The following ASZ1 variants were observed in gnomAD, a reference collection of about 807,000 sequenced individuals.
ASZ1 encodes ankyrin repeat, SAM and basic leucine zipper domain-containing protein 1.
A neutral mutation model predicts 61.8 loss-of-function variants in ASZ1; 67 were observed. The observed-to-expected ratio is 1.08, with a 90% CI of 0.89 to 1.33. ASZ1 has a LOEUF of 1.33. Ranked by LOEUF, ASZ1 falls within the 40% of genes most tolerant of loss-of-function variation. The probability of loss-of-function intolerance (pLI) is 0.00; values close to 1 mark genes in which losing one functional copy is unlikely to be tolerated. For missense variants in ASZ1, 577 were observed against 554.5 expected, an observed-to-expected ratio of 1.04 and a Z score of -0.41; for synonymous variants, 193 against 192.7, an observed-to-expected ratio of 1.00 and a Z score of -0.01.
chr7:117,377,804 G>A (rs1264489792), intron 10 of ASZ1, among the ~76,000 whole-genome samples: 1 of 152,114 alleles, frequency 6.6e-6, no homozygotes, highest in Non-Finnish European at 1.5e-5. Flanking sequence ...TTACCATATA[G>A]TTAGAGTAAT....
At chr7:117,367,565 A>G (rs1264993006) in intron 11 of ASZ1, 100 bp from the exon 12 acceptor site, 9 of 1,207,324 alleles carry the variant, frequency 7.5e-6, no homozygotes, top group Non-Finnish European at 8.4e-6. Context: ...ATTAGATTAC[A>G]TAATTGAAAG....
At chr7:117,410,906 T>TACA (rs1796877532) in intron 4 of ASZ1, among the ~76,000 whole-genome samples, 1 of 151,752 alleles carries the variant, frequency 6.6e-6, no homozygotes, top group African/African-American at 2.4e-5. Context: ...TTGTAGTGTA[T>TACA]AATTTATTAT....
intron 4 of ASZ1, among the ~76,000 whole-genome samples, chr7:117,413,617 T>C (rs1370166089): frequency 6.6e-6 from 1 of 151,932 alleles, no homozygotes; most frequent in Non-Finnish European, 1.5e-5. Flanking sequence ...GGCTTTCAAG[T>C]TGTAAGTTTT....
chr7:117,391,084 T>C (rs1796457836), intron 4 of ASZ1, among the ~76,000 whole-genome samples: 1 of 152,168 alleles, frequency 6.6e-6, no homozygotes, highest in Non-Finnish European at 1.5e-5. Context: ...TGAGTAGTGA[T>C]GTTGAGTACT....
Position 117,370,720 on chromosome 7 carries a change from T to C in ASZ1, c.1056-2003A>G, listed in dbSNP as rs547271623. ...TAATATCAAGAGTTGACAAGTGTAT[T>C]AGATGACCTTTCTGGGGAGTCCTTT... On this transcript the variant is annotated intron_variant, in intron 10 of 12. Coordinates refer to ENST00000284629, the MANE Select transcript of ASZ1 (RefSeq NM_130768.3). Among the ~76,000 whole-genome samples, 10 of 152,100 alleles carry C rather than the reference T, an allele frequency of 6.6e-5. No homozygotes were observed. The East Asian group carries it at 1.5e-3, about 23-fold the overall frequency.
At chr7:117,425,334 C>T (rs1251539940) in intron 2 of ASZ1, among the ~76,000 whole-genome samples, 7 of 127,450 alleles carry the variant, frequency 5.5e-5, no homozygotes, top group East Asian at 2.5e-4. Flanking sequence ...GGCGCGATCT[C>T]GGCTCACTGC....
chr7:117,394,343 C>T (rs1305532917), intron 4 of ASZ1, among the ~76,000 whole-genome samples: 1 of 152,170 alleles, frequency 6.6e-6, no homozygotes, highest in East Asian at 1.9e-4. Flanking sequence ...CTTGGCCTCC[C>T]AAAGTACTGA....
At chr7:117,399,796 G>T (rs1191792046) in intron 4 of ASZ1, among the ~76,000 whole-genome samples, 1 of 152,080 alleles carries the variant, frequency 6.6e-6, no homozygotes, top group Non-Finnish European at 1.5e-5. Context: ...GATGGTTTCA[G>T]AATGCCGTAA....
chr7:117,363,450 T>TAA lies in ASZ1; in HGVS notation c.*144_*145dup. On this transcript the variant is annotated 3_prime_UTR_variant, in exon 13 of 13. Transcript: ENST00000284629. ...TAAGTCAAAGTAACAAACCACTTTT[T>TAA]AAAAAAAAACTCCACATTGTCAAAA... 1 of 582,328 alleles carries TAA rather than the reference T, an allele frequency of 1.7e-6. No homozygotes were observed. The highest frequency in any genetic ancestry group is 2.6e-6 in the Non-Finnish European group (1 of 391,908). The allele number at this position is 582,328 out of a possible 1,614,324, so 36.1% of individuals were successfully genotyped here. A position where few individuals can be genotyped will look rare whatever the true frequency, so the allele number is the denominator to read the frequency against.
chr7:117,367,516 C>T (rs747916408), intron 11 of ASZ1, 51 bp from the exon 12 acceptor site: 46 of 1,318,578 alleles, frequency 3.5e-5, no homozygotes, highest in Non-Finnish European at 6.9e-6. Context: ...TAACTTTCTA[C>T]AACTTTATAT....
intron 12 of ASZ1, among the ~76,000 whole-genome samples, chr7:117,364,407 G>T (rs1268516172): frequency 8.7e-6 from 1 of 115,420 alleles, no homozygotes; most frequent in East Asian, 2.4e-4. Flanking sequence ...GTTTCTGTGA[G>T]AGACAGAGAG....
intron 4 of ASZ1, among the ~76,000 whole-genome samples, chr7:117,391,214 T>G (rs1188504660): frequency 6.6e-6 from 1 of 152,142 alleles, no homozygotes; most frequent in Non-Finnish European, 1.5e-5. Context: ...TTATAGAGCC[T>G]GGATATTTAG....
At chr7:117,379,195 A>AC (rs1796204989) in intron 10 of ASZ1, among the ~76,000 whole-genome samples, 1 of 145,878 alleles carries the variant, frequency 6.9e-6, no homozygotes, top group Non-Finnish European at 1.5e-5. Flanking sequence ...ACACACACAC[A>AC]AATGAGTGCA....
chr7:117,414,115 G>C (rs1796944859), intron 4 of ASZ1, among the ~76,000 whole-genome samples: 1 of 152,142 alleles, frequency 6.6e-6, no homozygotes, highest in Non-Finnish European at 1.5e-5. Context: ...TATACAATCA[G>C]AGGCTCAGAA....
Position 117,363,734 on chromosome 7 carries a change from C to T in ASZ1, c.1290G>A (p.Arg430=). The T allele has an allele frequency of 1.3e-6, 2 of 1,572,340 alleles. No homozygotes were observed. Among genetic ancestry groups the T allele is most frequent in the Non-Finnish European group, 1.7e-6 (2 of 1,160,404 alleles). ...ATTGTATATGAGTTGGATCATTTTCCCGTTCATTTTGCAACTAATATTTAG... is the reference window on the plus strand; with the variant it reads ...ATTGTATATGAGTTGGATCATTTTCTCGTTCATTTTGCAACTAATATTTAG... ...KDLIQKLQNE[R]ENDPTHIQLR... Residue 430 remains arginine (R), a synonymous_variant, in exon 13 of 13, where the codon CGG becomes CGA. Transcript: ENST00000284629.
chr7:117,401,910 C>A (rs1796689168), intron 4 of ASZ1, among the ~76,000 whole-genome samples: 1 of 152,136 alleles, frequency 6.6e-6, no homozygotes, highest in Non-Finnish European at 1.5e-5. Flanking sequence ...GCTGGAGTTA[C>A]TGCTGTAAAG....
chr7:117,422,222 T>C lies in ASZ1; in HGVS notation c.328+15A>G. The C allele has an allele frequency of 6.2e-7, 1 of 1,607,654 alleles. No individual in the cohort carries two copies. The highest frequency in any genetic ancestry group is 8.5e-7 in the Non-Finnish European group (1 of 1,178,324). The stretch of plus-strand genomic sequence containing the variant: ...ACAGTAAGCATAATCATTTAAGTTA[T>C]CTAAAACATCTTACCCTTCTCAAAG... On this transcript the variant is annotated intron_variant, in intron 3 of 12. Transcript: ENST00000284629.
intron 12 of ASZ1, among the ~76,000 whole-genome samples, chr7:117,364,937 G>A (rs1795905560): frequency 6.6e-6 from 1 of 151,920 alleles, no homozygotes; most frequent in South Asian, 2.1e-4. Context: ...TGGTGTTAAA[G>A]TCTAGCCTTG....
At chr7:117,421,262 G>A (rs752854727) in intron 3 of ASZ1, among the ~76,000 whole-genome samples, 12 of 152,100 alleles carry the variant, frequency 7.9e-5, no homozygotes, top group Admixed American at 2.0e-4. Context: ...GTCCAGGCTG[G>A]AGTGCAGTAG....
Sources: gnomAD v4.1 joint callset for allele counts (sites outside exome capture counted in the v4.1 genomes callset) on GRCh38, gnomAD v4.1.1 for gene constraint, MANE v1.5 for transcripts, NCBI Gene and HGNC (gene_info 2026-07-23, HGNC 2026-07-21) for gene names.